The following ZFHX3 variants were observed in gnomAD, a reference collection of about 807,000 sequenced individuals.
ZFHX3 encodes the protein zinc finger homeobox 3, also known as zinc finger homeobox protein 3.
A neutral mutation model predicts 279.1 loss-of-function variants in ZFHX3; 42 were observed. The ratio of observed to expected loss-of-function variants is 0.15; its 90% CI spans 0.12 to 0.19. The LOEUF is 0.19. Among genes scored for constraint, ZFHX3 ranks in the 10% least tolerant of loss-of-function variants. ZFHX3 has a pLI of 1.00. For synonymous variants in ZFHX3, 2,293 were observed against 1,957.8 expected, an observed-to-expected ratio of 1.17 and a Z score of -4.52; for missense variants, 4,981 against 4,754.0, an observed-to-expected ratio of 1.05 and a Z score of -1.40.
chr16:73,329,804 T>C (rs1321597616), intron 3 of ZFHX3, among the ~76,000 whole-genome samples: 1 of 152,076 alleles, frequency 6.6e-6, no homozygotes, highest in Non-Finnish European at 1.5e-5. Flanking sequence ...TATCGAACAA[T>C]AAAAAACACA....
intron 4 of ZFHX3, among the ~76,000 whole-genome samples, chr16:72,871,417 C>G (rs1305092464): frequency 6.6e-6 from 1 of 151,520 alleles, no homozygotes; most frequent in Non-Finnish European, 1.5e-5. Flanking sequence ...TCTTGGCTCA[C>G]TGCAACCTCT....
chr16:73,749,079 T>C (rs1401204957), intron 1 of ZFHX3, among the ~76,000 whole-genome samples: 1 of 152,042 alleles, frequency 6.6e-6, no homozygotes, highest in East Asian at 1.9e-4. Context: ...TGAGCCACCA[T>C]GCCCGGCCCC....
At chr16:73,010,648 C>G (rs564492071) in intron 1 of ZFHX3, among the ~76,000 whole-genome samples, 2 of 152,178 alleles carry the variant, frequency 1.3e-5, no homozygotes, top group East Asian at 1.9e-4. Flanking sequence ...ATAAAAGGAC[C>G]GAGCTGGCAG....
rs80324230 is a variant in ZFHX3 at position 73,888,181 on chromosome 16, C to A, written c.-1608+3470G>T. Among the ~76,000 whole-genome samples the A allele has an allele frequency of 1.2e-3, 179 of 152,164 alleles. 2 individuals are homozygous for A. The highest frequency in any genetic ancestry group is 4.1e-3 in the African/African-American group (170 of 41,498). On this transcript the variant is annotated intron_variant, in intron 1 of 17. Coordinates refer to the ZFHX3 transcript ENST00000641206. Reference sequence around the variant, plus strand: ...TATTTGTACTGAATAATGCTCACGTCAGGAATGAGTAAAACTAGGTTAGAA... The same window carrying A: ...TATTTGTACTGAATAATGCTCACGTAAGGAATGAGTAAAACTAGGTTAGAA...
At chr16:73,029,739 T>C (rs1012437761) in intron 1 of ZFHX3, among the ~76,000 whole-genome samples, 1 of 152,176 alleles carries the variant, frequency 6.6e-6, no homozygotes, top group Non-Finnish European at 1.5e-5. Context: ...TGCGTGGACA[T>C]CTTTAGGTGG....
chr16:73,565,719 C>T (rs1436052765), intron 2 of ZFHX3, among the ~76,000 whole-genome samples: 2 of 152,162 alleles, frequency 1.3e-5, no homozygotes, highest in Admixed American at 6.5e-5. Flanking sequence ...CCTTTTTTTA[C>T]TCTCCTACAC....
At chr16:73,276,820 T>C (rs538243241) in intron 4 of ZFHX3, among the ~76,000 whole-genome samples, 3 of 152,282 alleles carry the variant, frequency 2.0e-5, no homozygotes, top group African/African-American at 7.2e-5. Flanking sequence ...GTCGATTACA[T>C]GAGGGGAAAG....
intron 5 of ZFHX3, among the ~76,000 whole-genome samples, chr16:73,157,465 T>TTAAAAA (rs1346539597): frequency 1.4e-4 from 11 of 76,522 alleles, no homozygotes; most frequent in Admixed American, 5.2e-4. Context: ...GAATGTTTGG[T>TTAAAAA]AAAAAAAAAA....
At chr16:72,822,455 G>A (rs1322970045) in intron 5 of ZFHX3, among the ~76,000 whole-genome samples, 3 of 152,182 alleles carry the variant, frequency 2.0e-5, no homozygotes, top group Non-Finnish European at 4.4e-5. Flanking sequence ...GCTGCAAAAC[G>A]AAGGTAGCAT....
chr16:73,761,346 A>T (rs2053864270), intron 1 of ZFHX3, among the ~76,000 whole-genome samples: 1 of 152,226 alleles, frequency 6.6e-6, no homozygotes, highest in South Asian at 2.1e-4. Context: ...GGACAGATGG[A>T]AAAACATTCC....
intron 2 of ZFHX3, chr16:73,610,123 T>C (rs1035976327): frequency 2.0e-5 from 3 of 152,216 alleles, no homozygotes; most frequent in Non-Finnish European, 4.4e-5. Context: ...GAAAGCAGGA[T>C]TTTAATTTTT....
At chr16:73,196,295 G>C (rs2091296095) in intron 5 of ZFHX3, among the ~76,000 whole-genome samples, 1 of 151,916 alleles carries the variant, frequency 6.6e-6, no homozygotes, top group Non-Finnish European at 1.5e-5. Flanking sequence ...TGGGGTGGTG[G>C]GGAGGGCCAG....
intron 1 of ZFHX3, among the ~76,000 whole-genome samples, chr16:73,773,953 CATA>C (rs367783879): frequency 7.2e-5 from 11 of 152,156 alleles, no homozygotes; most frequent in African/African-American, 2.4e-4. Context: ...ACCTGGGCAA[CATA>C]ATGAGACCCT....
chr16:73,749,831 C>A (rs964492385), intron 1 of ZFHX3, among the ~76,000 whole-genome samples: 2 of 152,188 alleles, frequency 1.3e-5, no homozygotes, highest in Admixed American at 6.5e-5. Context: ...ACTTGAAGGG[C>A]AGCCTTGGAT....
At chr16:72,913,568 C>A (rs988410720) in intron 3 of ZFHX3, among the ~76,000 whole-genome samples, 2 of 152,150 alleles carry the variant, frequency 1.3e-5, no homozygotes, top group Non-Finnish European at 2.9e-5. Flanking sequence ...TGATGTTGAC[C>A]TTGATCACTT....
In ZFHX3 at chr16:73,452,550, G is replaced by T. The variant is rs1597340824; in HGVS notation, c.-1291+3453C>A. Among the ~76,000 whole-genome samples, 3 of 152,270 alleles carry T rather than the reference G, an allele frequency of 2.0e-5. No individual in the cohort carries two copies. The East Asian group carries it at 5.8e-4, about 29-fold the overall frequency. ...TGTCTTGTGAAGAGGTAATGGTTTA[G>T]TTCAACTCAGCCAAGAATCTCTTCT... On this transcript the variant is annotated intron_variant, in intron 3 of 17. Transcript: ENST00000641206.
At chr16:72,905,849 C>G (rs750314104) in intron 3 of ZFHX3, among the ~76,000 whole-genome samples, 1 of 152,176 alleles carries the variant, frequency 6.6e-6, no homozygotes, top group Admixed American at 6.5e-5. Context: ...ACACATCACA[C>G]GTACAACTTT....
At chr16:73,233,427 G>C (rs551379259) in intron 5 of ZFHX3, among the ~76,000 whole-genome samples, 1 of 152,322 alleles carries the variant, frequency 6.6e-6, no homozygotes, top group South Asian at 2.1e-4. Flanking sequence ...TTTATTAAAA[G>C]CAACCCTCAA....
In ZFHX3 at chr16:73,851,768, G is replaced by A. The variant is rs117401622; in HGVS notation, c.-1608+39883C>T. Among the ~76,000 whole-genome samples the A allele has an allele frequency of 2.2e-4, 34 of 152,212 alleles. No homozygotes were observed. In the East Asian group the frequency reaches 3.5e-3, roughly 16 times the overall value. On this transcript the variant is annotated intron_variant, in intron 1 of 17. Transcript: ENST00000641206. ...ATATCTTGTGTTTAAGTTTGACATC[G>A]TAGGGCCTTTTTTAAAAATATTGAG...
Sources: allele counts gnomAD v4.1 joint callset (sites outside exome capture counted in the v4.1 genomes callset), GRCh38; gene constraint gnomAD v4.1.1; transcripts MANE v1.5; gene names NCBI Gene and HGNC (gene_info 2026-07-23, HGNC 2026-07-21).